The following DCN variants were observed in gnomAD, a reference collection of about 807,000 sequenced individuals.
DCN encodes the protein bone proteoglycan II.
A neutral mutation model predicts 36.5 loss-of-function variants in DCN; 17 were observed. That is an observed-to-expected ratio of 0.47 (90% CI 0.32 to 0.70). DCN has a LOEUF of 0.70. Among genes scored for constraint, DCN ranks in the 30% least tolerant of loss-of-function variants. DCN has a pLI of 0.04. For synonymous variants in DCN, 163 were observed against 161.4 expected (o/e 1.01, Z -0.07); for missense variants, 389 against 430.1 (o/e 0.90, Z 0.84).
intron 2 of DCN, chr12:91,176,090 T>C (rs1169752659): frequency 6.6e-6 from 1 of 152,134 alleles, no homozygotes; most frequent in African/African-American, 2.4e-5. Flanking sequence ...TGAAATGAGT[T>C]CATTTGTTTT....
chr12:91,178,377 T>A lies in DCN; in HGVS notation c.176A>T (p.Gln59Leu). The A allele has an allele frequency of 6.2e-7, 1 of 1,613,930 alleles. No individual in the cohort carries two copies. The highest frequency in any genetic ancestry group is 8.5e-7 in the Non-Finnish European group (1 of 1,179,952). The change falls in exon 2 of 8, where the codon CAA (glutamine) becomes CTA (leucine). Residue 59 changes from glutamine (Q) to leucine (L), a missense_variant. Coordinates refer to ENST00000052754, the MANE Select transcript of DCN (RefSeq NM_001920.5). ...ACACTGGACCACTCGAAGATGGCAT[T>A]GACAGCGGAAGGGGCACACTGGGCC... ...SLGPVCPFRC[Q>L]CHLRVVQCSD... is the part of the protein sequence containing the mutation.
rs979993739 is a variant in DCN at position 91,143,079 on chromosome 12, G to A, written c.*2979C>T. 1 of 152,172 alleles carries A rather than the reference G, an allele frequency of 6.6e-6. No individual in the cohort carries two copies. Among genetic ancestry groups the A allele is most frequent in the Non-Finnish European group, 1.5e-5 (1 of 68,068 alleles). 9.4% of individuals were successfully genotyped at this position (152,172 alleles called of 1,614,324 possible). A position where few individuals can be genotyped will look rare whatever the true frequency, so the allele number is the denominator to read the frequency against. ...AGAGAAAAGACACAAACACATGAGA[G>A]AGAAGGCCATGTGAGGGTGAAGATG... On this transcript the variant is annotated 3_prime_UTR_variant, in exon 8 of 8. Transcript: ENST00000052754.
At position 91,153,112 on chromosome 12, in the gene DCN, G is replaced by T; in HGVS notation, c.730C>A (p.Leu244Met). The change falls in exon 6 of 8, where the codon CTG becomes ATG. Residue 244 changes from leucine (L) to methionine (M), a missense_variant. By Grantham distance (15) the Leu-to-Met change is conservative. Coordinates refer to ENST00000052754, the MANE Select transcript of DCN (RefSeq NM_001920.5). ...SRVDAASLKGLNNLAKLGLSF... is the reference protein window; with the variant it reads ...SRVDAASLKGMNNLAKLGLSF... ...TATTATTACTTAGCCAAATTATTCA[G>T]TCCTTTCAGGCTAGCTGCATCAACT... 6.3e-7 allele frequency: 1 copy of T among 1,599,452 alleles called. No homozygotes were observed.
chr12:91,150,573 T>C (rs1462057710), intron 7 of DCN, among the ~76,000 whole-genome samples: 1 of 152,130 alleles, frequency 6.6e-6, no homozygotes, highest in Non-Finnish European at 1.5e-5. Flanking sequence ...ATGGTGATTA[T>C]TAAAAAGTCA....
intron 5 of DCN, among the ~76,000 whole-genome samples, chr12:91,155,442 C>A (rs1261304625): frequency 1.3e-5 from 2 of 151,814 alleles, no homozygotes. Context: ...GGAAAGAATA[C>A]CTGGGATAGA....
intron 2 of DCN, chr12:91,176,340 TATA>T (rs1167646642): frequency 1.3e-5 from 2 of 152,054 alleles, no homozygotes; most frequent in Non-Finnish European, 2.9e-5. Context: ...TAAACCTAGC[TATA>T]ATAAAGGAAT....
At position 91,146,247 on chromosome 12, in the gene DCN, G is replaced by A. The variant is rs1225648105; in HGVS notation, c.891C>T (p.Val297=). 6.3e-7 allele frequency: 1 copy of A among 1,593,428 alleles called. No individual in the cohort carries two copies. The change falls in exon 8 of 8, where the codon GTC becomes GTT. Residue 297 remains valine (V), a synonymous_variant. Transcript: ENST00000052754. ...CAGAGATATTGTTGTTATGAAGGTA[G>A]ACAACCTACAACATGAAACGATAGA... The part of the protein sequence containing the change: ...GLAEHKYIQV[V]YLHNNNISVV...
intron 4 of DCN, among the ~76,000 whole-genome samples, 193 bp downstream of exon 4, chr12:91,158,103 A>G (rs1881915612): frequency 6.6e-6 from 1 of 152,162 alleles, no homozygotes; most frequent in South Asian, 2.1e-4. Flanking sequence ...CAGATACTCA[A>G]GGACATACAT....
intron 2 of DCN, among the ~76,000 whole-genome samples, chr12:91,166,304 TTAAG>T (rs373902362): frequency 1.3e-5 from 2 of 152,184 alleles, no homozygotes; most frequent in East Asian, 3.9e-4. Flanking sequence ...ATAACAAGAG[TTAAG>T]TGTTTTCAGT....
intron 1 of DCN, chr12:91,180,693 C>T (rs1270790972): frequency 6.6e-6 from 1 of 152,074 alleles, no homozygotes; most frequent in Non-Finnish European, 1.5e-5. Context: ...TACTGAGTAT[C>T]CCTTTAAGAG....
intron 7 of DCN, 151 bp from the exon 8 acceptor site, chr12:91,146,403 C>T (rs1454038838): frequency 5.4e-6 from 3 of 559,034 alleles, no homozygotes; most frequent in South Asian, 2.3e-5. Context: ...GTCACCCAGG[C>T]TGGAGTGCAG....
At chr12:91,162,023 C>T (rs1391800096) in intron 3 of DCN, among the ~76,000 whole-genome samples, 3 of 151,890 alleles carry the variant, frequency 2.0e-5, no homozygotes, top group Non-Finnish European at 4.4e-5. Context: ...TCACTGCAAC[C>T]TCCCCATCCT....
intron 5 of DCN, among the ~76,000 whole-genome samples, chr12:91,156,622 GAA>G (rs35872055): frequency 1.3e-5 from 2 of 149,202 alleles, no homozygotes; most frequent in Non-Finnish European, 3.0e-5. Context: ...TCTTAAAAAG[GAA>G]AAAAAAATTC....
intron 2 of DCN, among the ~76,000 whole-genome samples, chr12:91,169,436 G>A (rs1049696085): frequency 7.2e-6 from 1 of 139,358 alleles, no homozygotes; most frequent in African/African-American, 2.6e-5. Flanking sequence ...AAAAAGCAAT[G>A]TATGTACTTC....
intron 2 of DCN, among the ~76,000 whole-genome samples, chr12:91,165,350 A>C (rs898802867): frequency 3.3e-5 from 5 of 152,192 alleles, no homozygotes; most frequent in African/African-American, 1.2e-4. Flanking sequence ...GAATGAAATA[A>C]ATTGGGTAGT....
chr12:91,173,319 T>C (rs1406109702), intron 2 of DCN, among the ~76,000 whole-genome samples: 2 of 152,064 alleles, frequency 1.3e-5, no homozygotes, highest in Non-Finnish European at 2.9e-5. Flanking sequence ...AATGCCTTGA[T>C]CCCACACAGC....
intron 3 of DCN, among the ~76,000 whole-genome samples, chr12:91,163,125 C>A (rs3138228): frequency 1.3e-5 from 2 of 152,142 alleles, no homozygotes; most frequent in Non-Finnish European, 2.9e-5. Flanking sequence ...TGATGGAAGA[C>A]CACATCACAC....
At chr12:91,165,864 G>T (rs537042542) in intron 2 of DCN, among the ~76,000 whole-genome samples, 1 of 152,002 alleles carries the variant, frequency 6.6e-6, no homozygotes, top group Non-Finnish European at 1.5e-5. Flanking sequence ...TAGATCCTGG[G>T]AATATAGCAG....
rs1037233504 is a variant in DCN at position 91,144,791 on chromosome 12, C to G, written c.*1267G>C. 2 of 152,156 alleles carry G rather than the reference C, an allele frequency of 1.3e-5. No homozygotes were observed. Among genetic ancestry groups the G allele is most frequent in the Non-Finnish European group, 2.9e-5 (2 of 68,030 alleles). 9.4% of individuals were successfully genotyped at this position (152,156 alleles called of 1,614,324 possible). The stretch of plus-strand genomic sequence containing the variant: ...AAACCCACCTCAACTGTTATCTCCT[C>G]AAGTTTTTCATGTTCCACTGCACTC... On this transcript the variant is annotated 3_prime_UTR_variant, in exon 8 of 8. Transcript: ENST00000052754.
Sources: allele counts gnomAD v4.1 joint callset (sites outside exome capture counted in the v4.1 genomes callset), GRCh38; gene constraint gnomAD v4.1.1; transcripts MANE v1.5; gene names NCBI Gene and HGNC (gene_info 2026-07-23, HGNC 2026-07-21).